Variants in CNTNAP2 observed in about 807,000 individuals in gnomAD.
CNTNAP2 encodes the protein contactin associated protein 2.
CNTNAP2 carries 98 observed loss-of-function variants against 155.2 expected under a neutral mutation model. That is an observed-to-expected ratio of 0.63 (90% CI 0.54 to 0.75). The LOEUF is 0.75. CNTNAP2 is among the 30% of genes least tolerant of loss of function. The pLI, the probability that CNTNAP2 is intolerant of heterozygous loss-of-function variation, is 0.00. For synonymous variants in CNTNAP2, 651 were observed against 631.2 expected, an observed-to-expected ratio of 1.03 and a Z score of -0.47; for missense variants, 1,727 against 1,688.1, an observed-to-expected ratio of 1.02 and a Z score of -0.40.
chr7:148,199,665 G>A (rs565294318), intron 18 of CNTNAP2, among the ~76,000 whole-genome samples: 1 of 152,202 alleles, frequency 6.6e-6, no homozygotes, highest in African/African-American at 2.4e-5. Flanking sequence ...TTGAGATTGT[G>A]CTATAAGCAT....
intron 1 of CNTNAP2, among the ~76,000 whole-genome samples, chr7:146,136,061 A>G (rs962555676): frequency 3.3e-5 from 5 of 152,192 alleles, no homozygotes; most frequent in African/African-American, 1.2e-4. Flanking sequence ...TAAAGCACAC[A>G]TTCATTTACT....
At chr7:146,440,684 G>A (rs1796308259) in intron 1 of CNTNAP2, among the ~76,000 whole-genome samples, 1 of 151,580 alleles carries the variant, frequency 6.6e-6, no homozygotes, top group East Asian at 1.9e-4. Context: ...TTGTTTTAAA[G>A]TTGGCTGATG....
intron 13 of CNTNAP2, among the ~76,000 whole-genome samples, chr7:147,724,151 C>T (rs559008049): frequency 1.3e-5 from 2 of 151,840 alleles, no homozygotes; most frequent in Non-Finnish European, 2.9e-5. Context: ...TAGTTTATTA[C>T]GTTCAAAAAA....
chr7:147,572,925 G>A (rs1010003269), intron 12 of CNTNAP2, among the ~76,000 whole-genome samples: 5 of 151,900 alleles, frequency 3.3e-5, no homozygotes, highest in African/African-American at 9.7e-5. Context: ...TTTCTTCTGA[G>A]GATGTCAAGT....
intron 1 of CNTNAP2, among the ~76,000 whole-genome samples, chr7:146,164,799 C>G (rs1798287345): frequency 6.6e-6 from 1 of 152,054 alleles, no homozygotes; most frequent in Non-Finnish European, 1.5e-5. Flanking sequence ...TTCCGTTTCT[C>G]TATGTTTCAT....
intron 14 of CNTNAP2, among the ~76,000 whole-genome samples, chr7:147,916,890 C>G (rs543208995): frequency 6.6e-6 from 1 of 152,128 alleles, no homozygotes; most frequent in Admixed American, 6.5e-5. Context: ...CCCATTACCC[C>G]CTCTTGATAT....
chr7:146,667,842 G>A (rs1302417974), intron 1 of CNTNAP2, among the ~76,000 whole-genome samples: 1 of 151,782 alleles, frequency 6.6e-6, no homozygotes, highest in Non-Finnish European at 1.5e-5. Context: ...CAATTTTACT[G>A]AATTGGTTTA....
intron 13 of CNTNAP2, among the ~76,000 whole-genome samples, chr7:147,679,075 A>C (rs1405295487): frequency 6.6e-6 from 1 of 151,892 alleles, no homozygotes; most frequent in African/African-American, 2.4e-5. Flanking sequence ...TTTATTGTTA[A>C]TGAAAGCATG....
chr7:148,332,747 A>T (rs974646603), intron 21 of CNTNAP2, among the ~76,000 whole-genome samples: 36 of 152,158 alleles, frequency 2.4e-4, no homozygotes, highest in Admixed American at 1.4e-3. Flanking sequence ...ACACCAGGCC[A>T]TCCATTTATC....
At chr7:146,896,789 A>C in intron 3 of CNTNAP2, among the ~76,000 whole-genome samples, 1 of 152,236 alleles carries the variant, frequency 6.6e-6, no homozygotes, top group East Asian at 1.9e-4. Flanking sequence ...ATTTTACTTT[A>C]GTAAGTAATT....
chr7:148,320,996 G>C (rs1797782374), intron 21 of CNTNAP2, among the ~76,000 whole-genome samples: 1 of 152,166 alleles, frequency 6.6e-6, no homozygotes, highest in African/African-American at 2.4e-5. Flanking sequence ...TACGCTTTCA[G>C]AGTAAAGAGA....
At chr7:148,292,211 C>G (rs150636808) in intron 21 of CNTNAP2, among the ~76,000 whole-genome samples, 2 of 152,322 alleles carry the variant, frequency 1.3e-5, no homozygotes, top group African/African-American at 4.8e-5. Flanking sequence ...AGATTTTTCT[C>G]TCTTCTTGCC....
chr7:146,549,845 G>A (rs1206902500), intron 1 of CNTNAP2, among the ~76,000 whole-genome samples: 1 of 152,022 alleles, frequency 6.6e-6, no homozygotes, highest in Non-Finnish European at 1.5e-5. Context: ...GCCTGTCAAA[G>A]TCCAACACAA....
At chr7:147,552,755 G>T (rs1799876799) in intron 11 of CNTNAP2, among the ~76,000 whole-genome samples, 1 of 152,168 alleles carries the variant, frequency 6.6e-6, no homozygotes, top group Admixed American at 6.5e-5. Context: ...TCAGCACAAT[G>T]TTTAAACAAG....
Position 146,829,565 on chromosome 7 carries a change from A to AT in CNTNAP2, c.209-10136dup, listed in dbSNP as rs539238208. On this transcript the variant is annotated intron_variant, in intron 2 of 23. Coordinates refer to ENST00000361727, the MANE Select transcript of CNTNAP2 (RefSeq NM_014141.6). ...AACTGACAATGTTAAGTCGAAAAGT[A>AT]TTTTTTTTTTACTTAATTGAAGCAA... Among the ~76,000 whole-genome samples, 187 of 150,136 alleles carry AT rather than the reference A, an allele frequency of 1.2e-3. 1 individual carries two copies. The East Asian group carries it at 0.013, about 11-fold the overall frequency.
intron 19 of CNTNAP2, among the ~76,000 whole-genome samples, chr7:148,228,783 G>C (rs1032366138): frequency 7.1e-6 from 1 of 141,014 alleles, no homozygotes; most frequent in Non-Finnish European, 1.5e-5. Context: ...AGCCGAGATC[G>C]CGCCACTGCA....
At chr7:147,775,154 TTTTTCACTACAG>T (rs745903831) in intron 13 of CNTNAP2, among the ~76,000 whole-genome samples, 62 of 146,778 alleles carry the variant, frequency 4.2e-4, no homozygotes, top group Non-Finnish European at 5.4e-4. Flanking sequence ...TTAACTGATT[TTTTTCACTACAG>T]TTTTCACTAC....
chr7:147,133,135 G>A (rs1338301246), intron 8 of CNTNAP2, among the ~76,000 whole-genome samples: 2 of 152,072 alleles, frequency 1.3e-5, no homozygotes, highest in South Asian at 2.1e-4. Context: ...TAATATTCTT[G>A]TTATTTGAAT....
At chr7:146,249,806 G>T (rs1432914043) in intron 1 of CNTNAP2, among the ~76,000 whole-genome samples, 1 of 151,480 alleles carries the variant, frequency 6.6e-6, no homozygotes, top group Admixed American at 6.6e-5. Context: ...TTATTTCCTT[G>T]GCCGTTCATT....
Sources: gnomAD v4.1 joint callset for allele counts (sites outside exome capture counted in the v4.1 genomes callset) on GRCh38, gnomAD v4.1.1 for gene constraint, MANE v1.5 for transcripts, NCBI Gene and HGNC (gene_info 2026-07-23, HGNC 2026-07-21) for gene names.